CNBD1: variants seen among roughly 807,000 people sequenced by gnomAD.
CNBD1 encodes the protein cyclic nucleotide binding domain containing 1, also known as cyclic nucleotide-binding domain-containing protein 1.
A neutral mutation model predicts 54.4 loss-of-function variants in CNBD1; 71 were observed. The observed-to-expected ratio is 1.30, with a 90% CI of 1.08 to 1.59. The LOEUF (loss-of-function observed/expected upper bound fraction) is 1.59. Among genes scored for constraint, CNBD1 ranks in the 40% most tolerant of loss-of-function variants. The pLI is 0.00. For missense variants in CNBD1, 659 were observed against 518.0 expected (o/e 1.27, Z -2.64); for synonymous variants, 182 against 170.7 (o/e 1.07, Z -0.51).
chr8:87,192,875 A>C (rs571721170), intron 4 of CNBD1, among the ~76,000 whole-genome samples: 3 of 152,124 alleles, frequency 2.0e-5, no homozygotes, highest in Admixed American at 6.6e-5. Flanking sequence ...CTGTGTCTGT[A>C]TATGTGTGTT....
At chr8:87,425,803 C>G (rs1312254826) in intron 2 of CNBD1, among the ~76,000 whole-genome samples, 2 of 152,046 alleles carry the variant, frequency 1.3e-5, no homozygotes, top group Admixed American at 6.5e-5. Flanking sequence ...AGAGGTGGAG[C>G]CTACAGAGGC....
At chr8:87,375,727 G>C (rs1383721651) in intron 10 of CNBD1, among the ~76,000 whole-genome samples, 4 of 151,820 alleles carry the variant, frequency 2.6e-5, no homozygotes, top group African/African-American at 9.7e-5. Flanking sequence ...CTGCTTAAAT[G>C]AAATCCCCAA....
intron 4 of CNBD1, among the ~76,000 whole-genome samples, chr8:87,101,487 T>C (rs1282280284): frequency 6.6e-6 from 1 of 151,650 alleles, no homozygotes; most frequent in Non-Finnish European, 1.5e-5. Context: ...ATAACACAAC[T>C]TGAAAATACA....
At chr8:87,335,311 G>A (rs2050227377) in intron 8 of CNBD1, among the ~76,000 whole-genome samples, 1 of 152,146 alleles carries the variant, frequency 6.6e-6, no homozygotes, top group South Asian at 2.1e-4. Context: ...GGGTGTTAAA[G>A]TCTCCTACTA....
chr8:87,264,139 C>A (rs1258742300), intron 6 of CNBD1, among the ~76,000 whole-genome samples: 1 of 151,700 alleles, frequency 6.6e-6, no homozygotes, highest in Non-Finnish European at 1.5e-5. Flanking sequence ...TAATGCTATC[C>A]CTCCCCTCTC....
chr8:87,399,127 A>T (rs1410764919), intron 2 of CNBD1, among the ~76,000 whole-genome samples: 2 of 152,068 alleles, frequency 1.3e-5, no homozygotes, highest in African/African-American at 2.4e-5. Flanking sequence ...TTCATGTCTT[A>T]ATTTCAGTTA....
chr8:87,409,462 A>T, intron 2 of CNBD1, among the ~76,000 whole-genome samples: 1 of 152,208 alleles, frequency 6.6e-6, no homozygotes, highest in East Asian at 1.9e-4. Flanking sequence ...GCAAGTGCTG[A>T]TGTAGATGCT....
At chr8:86,914,493 A>G (rs1299896419) in intron 3 of CNBD1, among the ~76,000 whole-genome samples, 1 of 152,202 alleles carries the variant, frequency 6.6e-6, no homozygotes, top group Non-Finnish European at 1.5e-5. Context: ...AGCACGCTCT[A>G]TGATGTTTAC....
intron 8 of CNBD1, among the ~76,000 whole-genome samples, chr8:87,342,477 T>A (rs1810084959): frequency 6.6e-6 from 1 of 152,144 alleles, no homozygotes; most frequent in African/African-American, 2.4e-5. Context: ...TGTAATTATG[T>A]TATCTAATTA....
At chr8:87,283,093 C>G (rs10104067) in intron 6 of CNBD1, among the ~76,000 whole-genome samples, 42,759 of 151,884 alleles carry the variant, frequency 0.28, 6,474 homozygotes, top group African/African-American at 0.39. Flanking sequence ...GTAGCTATTA[C>G]AACCCCCTTC....
At chr8:87,106,197 T>C (rs535274310) in intron 4 of CNBD1, among the ~76,000 whole-genome samples, 5 of 151,998 alleles carry the variant, frequency 3.3e-5, no homozygotes, top group Admixed American at 3.3e-4. Context: ...TTTCCTTTTC[T>C]TTTTCTTTTC....
At chr8:87,370,554 G>A (rs987754576) in intron 10 of CNBD1, among the ~76,000 whole-genome samples, 1 of 152,030 alleles carries the variant, frequency 6.6e-6, no homozygotes, top group East Asian at 1.9e-4. Flanking sequence ...CATGTCCTTT[G>A]CCCACTTTTT....
rs557950467 is a variant in CNBD1 at position 87,303,074 on chromosome 8, T to C, written c.1042+16403T>C. Among the ~76,000 whole-genome samples, 357 of 152,030 alleles carry C rather than the reference T, an allele frequency of 2.3e-3. 2 individuals carry two copies. The highest frequency in any genetic ancestry group is 8.1e-3 in the African/African-American group (335 of 41,482). ...TGGCCATACTGCCCAAGGTAATTTA[T>C]AGATTCAATGCTATCCCCATCAAGC... On this transcript the variant is annotated intron_variant, in intron 8 of 10. Coordinates refer to ENST00000518476, the MANE Select transcript of CNBD1 (RefSeq NM_173538.3).
chr8:87,250,042 C>T (rs1468958564), intron 6 of CNBD1, among the ~76,000 whole-genome samples: 1 of 151,976 alleles, frequency 6.6e-6, no homozygotes, highest in Non-Finnish European at 1.5e-5. Flanking sequence ...AGACAACCCA[C>T]CAAATGGGAG....
intron 8 of CNBD1, among the ~76,000 whole-genome samples, chr8:87,314,649 G>A (rs1364261256): frequency 1.3e-5 from 2 of 151,828 alleles, no homozygotes; most frequent in Non-Finnish European, 2.9e-5. Flanking sequence ...GATTATCTAT[G>A]GAAAGTCAAT....
At chr8:87,428,239 G>T (rs114536779) in intron 2 of CNBD1, among the ~76,000 whole-genome samples, 1 of 151,894 alleles carries the variant, frequency 6.6e-6, no homozygotes, top group Non-Finnish European at 1.5e-5. Flanking sequence ...ATCTGCCAGC[G>T]GATAAATGAA....
At chr8:87,167,286 C>T (rs567873105) in intron 4 of CNBD1, among the ~76,000 whole-genome samples, 78 of 151,974 alleles carry the variant, frequency 5.1e-4, no homozygotes, top group Non-Finnish European at 7.2e-4. Context: ...CTTAGTATAT[C>T]GAACACCTCA....
chr8:87,065,829 A>G (rs1810637070), intron 4 of CNBD1, among the ~76,000 whole-genome samples: 1 of 151,982 alleles, frequency 6.6e-6, no homozygotes, highest in Non-Finnish European at 1.5e-5. Context: ...ACCTATAAAT[A>G]GGAGAGTTGG....
chr8:87,026,031 G>C (rs1290144275), intron 4 of CNBD1, among the ~76,000 whole-genome samples: 1 of 152,108 alleles, frequency 6.6e-6, no homozygotes, highest in Admixed American at 6.5e-5. Context: ...TTTTAAAATA[G>C]GTTTATGGGA....
Sources: allele counts gnomAD v4.1 joint callset (sites outside exome capture counted in the v4.1 genomes callset), GRCh38; gene constraint gnomAD v4.1.1; transcripts MANE v1.5; gene names NCBI Gene and HGNC (gene_info 2026-07-23, HGNC 2026-07-21).